Variants in GNAS observed in about 807,000 individuals in gnomAD.
GNAS encodes the protein protein ALEX.
A neutral mutation model predicts 54.5 loss-of-function variants in GNAS; 8 were observed. That is an observed-to-expected ratio of 0.15 (90% CI 0.09 to 0.26). The LOEUF (loss-of-function observed/expected upper bound fraction) is 0.26, where lower values mean the gene tolerates loss of function less well. GNAS is among the 10% of genes least tolerant of loss of function. The probability of loss-of-function intolerance (pLI) is 1.00; values close to 1 mark genes in which losing one functional copy is unlikely to be tolerated. For missense variants in GNAS, 170 were observed against 529.8 expected, an observed-to-expected ratio of 0.32 and a Z score of 6.67; for synonymous variants, 204 against 191.4, an observed-to-expected ratio of 1.07 and a Z score of -0.54.
chr20:58,853,715 C>T lies in GNAS; in HGVS notation c.43+12829C>T, dbSNP rs762989143. 2.5e-6 allele frequency: 4 copies of T among 1,613,710 alleles called. No individual in the cohort carries two copies. Among genetic ancestry groups the T allele is most frequent in the East Asian group, 2.2e-5 (1 of 44,888 alleles). On this transcript the variant is annotated intron_variant, in intron 1 of 12. Coordinates refer to the GNAS transcript ENST00000306090. This position sits in a 1 kb window ranked among gnomAD's most constrained non-coding sequence, Gnocchi z 4.4. The stretch of plus-strand genomic sequence containing the variant: ...GAGCCTTCAGTGGTGCCAGACCAGG[C>T]CTGGGAGGATACAGCCCTCCACCAG...
intron 2 of GNAS, 143 bp downstream of exon 2, chr20:58,895,827 G>A: frequency 1.5e-6 from 1 of 680,646 alleles, no homozygotes; most frequent in Non-Finnish European, 2.7e-6. Flanking sequence ...AAAATCCTGG[G>A]AAGGGCTCTT....
chr20:58,853,278 A>C lies in GNAS; in HGVS notation c.43+12392A>C. ...CCGCCACCGTGTTATGGGCGTGCGC[A>C]ACTGCCTCTACGGCAATAATATGTC... On this transcript the variant is annotated intron_variant, in intron 1 of 12. Coordinates refer to the GNAS transcript ENST00000306090. The surrounding 1 kb of genome is among the most constrained non-coding windows in gnomAD (Gnocchi z 4.4). 1.9e-6 allele frequency: 3 copies of C among 1,547,662 alleles called. No homozygotes were observed. Among genetic ancestry groups the C allele is most frequent in the Non-Finnish European group, 2.6e-6 (3 of 1,144,758 alleles).
upstream of GNAS, among the ~76,000 whole-genome samples, chr20:58,890,956 C>T (rs956499848): frequency 6.6e-6 from 1 of 151,824 alleles, no homozygotes; most frequent in East Asian, 2.0e-4. Flanking sequence ...CGCTCCCTCC[C>T]CTTCCGCCCA....
At chr20:58,840,299 CT>C, upstream of GNAS, 4 of 1,612,714 alleles carry the variant, frequency 2.5e-6, no homozygotes, top group Non-Finnish European at 3.4e-6. The surrounding 1 kb of genome is among the most constrained non-coding windows in gnomAD (Gnocchi z 6.0). Flanking sequence ...CCGGAGCTTC[CT>C]TAACGCCCAC....
intron 1 of GNAS, chr20:58,850,439 G>A (rs1047632511): frequency 1.8e-5 from 7 of 397,556 alleles, no homozygotes; most frequent in Non-Finnish European, 3.1e-5. Flanking sequence ...ATGGTACTTT[G>A]GGGGTGAGCG....
chr20:58,872,472 A>C (rs1384506325), intron 1 of GNAS, among the ~76,000 whole-genome samples: 1 of 152,194 alleles, frequency 6.6e-6, no homozygotes, highest in Non-Finnish European at 1.5e-5. Context: ...GAAACCTTTG[A>C]ATTTTACAAA....
At position 58,855,485 on chromosome 20, in the gene GNAS, A is replaced by G. The variant is rs930462955; in HGVS notation, c.43+14599A>G. On this transcript the variant is annotated intron_variant, in intron 1 of 12. Coordinates refer to the GNAS transcript ENST00000306090. ...ACTTGCTAGAAAGTTCCAGGGAGGG[A>G]CCCTAACTGCCCTGGGAGCGGGAGG... 6.4e-6 allele frequency: 5 copies of G among 776,236 alleles called. No individual in the cohort carries two copies. The African/African-American group carries it at 8.9e-5, about 14-fold the overall frequency. The allele number at this position is 776,236 out of a possible 1,614,324, so 48.1% of individuals were successfully genotyped here.
intron 1 of GNAS, chr20:58,852,961 G>A: frequency 8.9e-7 from 1 of 1,118,180 alleles, no homozygotes; most frequent in Non-Finnish European, 1.1e-6. Flanking sequence ...GGAGCAAAAA[G>A]AAAGAGAGAG....
Position 58,853,699 on chromosome 20 carries a change from G to A in GNAS, c.43+12813G>A, listed in dbSNP as rs995192753. ...GCACTCATGGAGCCCGGAGCCTTCA[G>A]TGGTGCCAGACCAGGCCTGGGAGGA... On this transcript the variant is annotated intron_variant, in intron 1 of 12. Transcript: ENST00000306090. The surrounding 1 kb of genome is among the most constrained non-coding windows in gnomAD (Gnocchi z 4.4). 2 of 1,613,828 alleles carry A rather than the reference G, an allele frequency of 1.2e-6. No individual in the cohort carries two copies. Among genetic ancestry groups the A allele is most frequent in the Non-Finnish European group, 1.7e-6 (2 of 1,179,894 alleles).
intron 1 of GNAS, chr20:58,850,444 T>C (rs938727948): frequency 7.5e-6 from 3 of 397,430 alleles, no homozygotes; most frequent in Non-Finnish European, 1.3e-5. Context: ...ACTTTGGGGG[T>C]GAGCGCGAGG....
intron 1 of GNAS, among the ~76,000 whole-genome samples, chr20:58,844,847 C>CA (rs1240276777): frequency 6.6e-6 from 1 of 151,310 alleles, no homozygotes; most frequent in African/African-American, 2.4e-5. Context: ...CCCCGAAAAA[C>CA]AAAAAAAGCA....
At chr20:58,894,083 A>AAG (rs1324523840) in intron 1 of GNAS, among the ~76,000 whole-genome samples, 1 of 152,236 alleles carries the variant, frequency 6.6e-6, no homozygotes, top group Non-Finnish European at 1.5e-5. Context: ...GAAACCTAAT[A>AAG]ATGCCCCAAA....
chr20:58,853,097 T>C lies in GNAS; in HGVS notation c.43+12211T>C. 1.4e-6 allele frequency: 2 copies of C among 1,420,140 alleles called. No homozygotes were observed. The highest frequency in any genetic ancestry group is 5.9e-5 in the Admixed American group (2 of 34,142). The allele number at this position is 1,420,140 out of a possible 1,614,324, so 88.0% of individuals were successfully genotyped here. ...TGCTTCAGCCTCAGTCTAGGGTTCCTTCCAGGCCTTGAACCCCCCAACCTC... is the reference window on the plus strand; with the variant it reads ...TGCTTCAGCCTCAGTCTAGGGTTCCCTCCAGGCCTTGAACCCCCCAACCTC... On this transcript the variant is annotated intron_variant, in intron 1 of 12. Transcript: ENST00000306090. This position sits in a 1 kb window ranked among gnomAD's most constrained non-coding sequence, Gnocchi z 4.4.
chr20:58,843,837 C>A (rs530244264), intron 1 of GNAS, among the ~76,000 whole-genome samples: 1 of 152,250 alleles, frequency 6.6e-6, no homozygotes, highest in African/African-American at 2.4e-5. Context: ...TTGCAATGTT[C>A]CAATATTGTG....
intron 1 of GNAS, among the ~76,000 whole-genome samples, chr20:58,878,095 C>T (rs1414776780): frequency 6.6e-6 from 1 of 152,208 alleles, no homozygotes; most frequent in African/African-American, 2.4e-5. Context: ...ACAGGAAGTG[C>T]AGGCTGTGTT....
chr20:58,861,484 A>G (rs1406500173), intron 1 of GNAS, among the ~76,000 whole-genome samples: 1 of 152,204 alleles, frequency 6.6e-6, no homozygotes, highest in East Asian at 1.9e-4. Context: ...TGTTCCCATC[A>G]GATTCCTGTT....
intron 1 of GNAS, chr20:58,854,205 G>T: frequency 6.2e-7 from 1 of 1,613,068 alleles, no homozygotes; most frequent in Non-Finnish European, 8.5e-7. Context: ...GATTGGCAGC[G>T]CCCCCGCTGG....
Position 58,909,119 on chromosome 20 carries a change from G to A in GNAS, c.531-43G>A, listed in dbSNP as rs1166679734. 1 of 1,558,402 alleles carries A rather than the reference G, an allele frequency of 6.4e-7. No homozygotes were observed. Among genetic ancestry groups the A allele is most frequent in the South Asian group, 1.1e-5 (1 of 90,046 alleles). On this transcript the variant is annotated intron_variant, in intron 6 of 12. Coordinates refer to ENST00000371085, the MANE Select transcript of GNAS (RefSeq NM_000516.7). The surrounding 1 kb of genome is among the most constrained non-coding windows in gnomAD (Gnocchi z 7.3). ...AGACACAAATAGTTGGCAAATTGAT[G>A]TGAGCGCTGTGAACACCCCACGTGT...
In GNAS at chr20:58,891,633, G is replaced by GCCCGGCGCTGC. The variant is rs1182080103; in HGVS notation, c.-87_-77dup. The GCCCGGCGCTGC allele has an allele frequency of 2.1e-6, 2 of 966,336 alleles. No individual in the cohort carries two copies. The highest frequency in any genetic ancestry group is 2.6e-4 in the East Asian group (2 of 7,738). The allele number at this position is 966,336 out of a possible 1,614,324, so 59.9% of individuals were successfully genotyped here. On this transcript the variant is annotated 5_prime_UTR_variant, in exon 1 of 13. Transcript: ENST00000371085. ...AGCCGAGCCCGCGCCCGGCCCGCCCGCCCGGCGCTGCCCCGGCCCTCCCGG... is the reference window on the plus strand; with the variant it reads ...AGCCGAGCCCGCGCCCGGCCCGCCCGCCCGGCGCTGCCCCGGCGCTGCCCCGGCCCTCCCGG...
Sources: gnomAD v4.1 joint callset for allele counts (sites outside exome capture counted in the v4.1 genomes callset) on GRCh38, gnomAD v4.1.1 for gene constraint, Gnocchi (gnomAD v3.1) non-coding constraint, MANE v1.5 for transcripts, NCBI Gene and HGNC (gene_info 2026-07-23, HGNC 2026-07-21) for gene names.